NEK11: variants seen among roughly 807,000 people sequenced by gnomAD.
The protein encoded by NEK11 is serine/threonine-protein kinase Nek11.
NEK11 carries 72 observed loss-of-function variants against 80.7 expected under a neutral mutation model. The ratio of observed to expected loss-of-function variants is 0.89; its 90% CI spans 0.74 to 1.08. The LOEUF (loss-of-function observed/expected upper bound fraction) is 1.08, where lower values mean the gene tolerates loss of function less well. Among genes scored for constraint, NEK11 ranks in the 50% least tolerant of loss-of-function variants. The pLI, the probability that NEK11 is intolerant of heterozygous loss-of-function variation, is 0.00. For missense variants in NEK11, 764 were observed against 763.6 expected, an observed-to-expected ratio of 1.00 and a Z score of -0.01; for synonymous variants, 251 against 260.7, an observed-to-expected ratio of 0.96 and a Z score of 0.36.
chr3:131,276,280 G>T (rs1336452992), intron 17 of NEK11, among the ~76,000 whole-genome samples: 1 of 152,198 alleles, frequency 6.6e-6, no homozygotes, highest in Non-Finnish European at 1.5e-5. Context: ...AGGTTTGTGA[G>T]GGAATCTTCT....
rs543236534 is a variant in NEK11, at chr3:131,334,555, G to A, written c.1719-15002G>A. 1.2e-3 allele frequency among the ~76,000 whole-genome samples: 182 copies of A among 150,642 alleles called. 1 individual carries two copies. In the Middle Eastern group the frequency reaches 0.014, roughly 11 times the overall value. On this transcript the variant is annotated intron_variant, in intron 17 of 17. Transcript: ENST00000383366. Reference sequence around the variant, plus strand: ...TGACACCCTAACATCACAATTAAAAGAACTAGAAAAGCAAGAGCAAACACA... The same window carrying A: ...TGACACCCTAACATCACAATTAAAAAAACTAGAAAAGCAAGAGCAAACACA...
At chr3:131,336,541 T>A (rs1248636002) in intron 17 of NEK11, among the ~76,000 whole-genome samples, 1 of 152,112 alleles carries the variant, frequency 6.6e-6, no homozygotes, top group Admixed American at 6.6e-5. Flanking sequence ...GTATTACCAT[T>A]CAGGACATAG....
intron 15 of NEK11, among the ~76,000 whole-genome samples, chr3:131,231,626 T>G (rs2095332050): frequency 6.6e-6 from 1 of 151,830 alleles, no homozygotes; most frequent in African/African-American, 2.4e-5. Flanking sequence ...ATTTGTTTTC[T>G]TCCAGTAATT....
chr3:131,226,524 G>A, intron 14 of NEK11, among the ~76,000 whole-genome samples: 1 of 152,110 alleles, frequency 6.6e-6, no homozygotes, highest in Non-Finnish European at 1.5e-5. Flanking sequence ...ACTGTCTTTT[G>A]CAGCAACCTG....
chr3:131,032,996 T>G (rs1365025573), intron 3 of NEK11, among the ~76,000 whole-genome samples: 1 of 152,194 alleles, frequency 6.6e-6, no homozygotes, highest in African/African-American at 2.4e-5. Flanking sequence ...TAAACCAATC[T>G]GAAACCAGGC....
intron 3 of NEK11, among the ~76,000 whole-genome samples, chr3:131,039,584 T>C (rs953445507): frequency 3.9e-5 from 6 of 152,234 alleles, no homozygotes; most frequent in African/African-American, 1.2e-4. Context: ...GGTTCCTTTT[T>C]GACGCATGAA....
chr3:131,245,187 G>A (rs1220417334), intron 16 of NEK11, among the ~76,000 whole-genome samples: 1 of 152,016 alleles, frequency 6.6e-6, no homozygotes. Context: ...GAGAACATTG[G>A]TATTTGACAT....
intron 14 of NEK11, among the ~76,000 whole-genome samples, chr3:131,179,465 G>A (rs1484865311): frequency 6.6e-6 from 1 of 152,206 alleles, no homozygotes; most frequent in Non-Finnish European, 1.5e-5. Flanking sequence ...TAGTCTGTAT[G>A]CATGTGAGGA....
chr3:131,288,511 G>GGGGTGAT (rs1482045541), intron 17 of NEK11, among the ~76,000 whole-genome samples: 3 of 140,848 alleles, frequency 2.1e-5, no homozygotes, highest in Non-Finnish European at 3.0e-5. Flanking sequence ...GGAGTGCAAT[G>GGGGTGAT]GGGTGATCTA....
At chr3:131,347,401 TTA>T (rs2097379286) in intron 17 of NEK11, among the ~76,000 whole-genome samples, 1 of 152,228 alleles carries the variant, frequency 6.6e-6, no homozygotes, top group Non-Finnish European at 1.5e-5. Context: ...AATTAAAAAT[TTA>T]TGTCTTGCAT....
chr3:131,300,373 C>G (rs2096647708), intron 17 of NEK11, among the ~76,000 whole-genome samples: 2 of 152,082 alleles, frequency 1.3e-5, no homozygotes, highest in Non-Finnish European at 2.9e-5. Flanking sequence ...TGCAGAAGCT[C>G]TTTAATTTAA....
chr3:131,090,054 G>A (rs1228227057), intron 4 of NEK11, among the ~76,000 whole-genome samples: 1 of 152,172 alleles, frequency 6.6e-6, no homozygotes, highest in Non-Finnish European at 1.5e-5. Flanking sequence ...AGGCTTCTGA[G>A]AATGCTCTTC....
chr3:131,139,412 G>A (rs2086371184), intron 7 of NEK11, among the ~76,000 whole-genome samples: 1 of 150,998 alleles, frequency 6.6e-6, no homozygotes, highest in African/African-American at 2.4e-5. Context: ...GCCTCAAAAG[G>A]CAAGTCTAAG....
intron 5 of NEK11, among the ~76,000 whole-genome samples, chr3:131,125,208 T>A (rs904279075): frequency 6.6e-6 from 1 of 152,192 alleles, no homozygotes; most frequent in Non-Finnish European, 1.5e-5. Context: ...TTTCTGCCCA[T>A]TTGTGTCCTA....
intron 4 of NEK11, among the ~76,000 whole-genome samples, chr3:131,097,004 C>T (rs1429957191): frequency 9.3e-5 from 14 of 150,620 alleles, no homozygotes; most frequent in African/African-American, 2.4e-4. Context: ...TTTGTCCTTG[C>T]GATAGTTTAC....
intron 16 of NEK11, among the ~76,000 whole-genome samples, chr3:131,266,389 G>A (rs1283379645): frequency 1.3e-5 from 2 of 152,142 alleles, no homozygotes; most frequent in Non-Finnish European, 2.9e-5. Flanking sequence ...CTGTGTCCCA[G>A]GGATTCTGGT....
At position 131,155,099 on chromosome 3, in the gene NEK11, G is replaced by A. The variant is rs763326951; in HGVS notation, c.940G>A (p.Ala314Thr). ...EDKNLDCQKE[A>T]AHIINAMQKR... Reference sequence around the variant, plus strand: ...CAAAAATTTGGATTGTCAGAAGGAGGCTGCTCATATAATTAATGCCATGTA... The same window carrying A: ...CAAAAATTTGGATTGTCAGAAGGAGACTGCTCATATAATTAATGCCATGTA... Residue 314 changes from alanine (A) to threonine (T), a missense_variant, in exon 10 of 18, where the codon GCT becomes ACT. Physicochemically the swap from Ala to Thr is moderately conservative, Grantham distance 58 (BLOSUM62 0). Transcript: ENST00000383366. The A allele has an allele frequency of 6.3e-5, 102 of 1,609,854 alleles. No homozygotes were observed. The highest frequency in any genetic ancestry group is 8.2e-5 in the Non-Finnish European group (96 of 1,176,286).
chr3:131,273,370 C>A, intron 16 of NEK11, 108 bp from the exon 17 acceptor site: 2 of 716,116 alleles, frequency 2.8e-6, no homozygotes, highest in South Asian at 1.7e-5. Context: ...TGTAGCATTA[C>A]CATGTGGCAA....
chr3:131,032,202 T>C (rs2064969538), intron 3 of NEK11, among the ~76,000 whole-genome samples: 1 of 152,186 alleles, frequency 6.6e-6, no homozygotes, highest in Non-Finnish European at 1.5e-5. Context: ...CCTCAGGTGA[T>C]CCTCTTGCCT....
Sources: gnomAD v4.1 joint callset for allele counts (sites outside exome capture counted in the v4.1 genomes callset) on GRCh38, gnomAD v4.1.1 for gene constraint, MANE v1.5 for transcripts, NCBI Gene and HGNC (gene_info 2026-07-23, HGNC 2026-07-21) for gene names.